The following VPS35L variants were observed in gnomAD, a reference collection of about 807,000 sequenced individuals.
VPS35L encodes the protein VPS35 endosomal protein sorting factor like, also known as VPS35 endosomal protein-sorting factor-like.
In VPS35L, 83 loss-of-function variants were observed where a neutral mutation model predicts 133.0. That is an observed-to-expected ratio of 0.62 (90% CI 0.52 to 0.75). VPS35L has a LOEUF of 0.75. Ranked by LOEUF, VPS35L falls within the 30% of genes least tolerant of loss-of-function variation. VPS35L has a pLI of 0.00. For synonymous variants in VPS35L, 423 were observed against 449.9 expected (o/e 0.94, Z 0.76); for missense variants, 1,083 against 1,206.8 (o/e 0.90, Z 1.52).
rs1057422420 is a variant in VPS35L at position 19,569,472 on chromosome 16, T to C, written c.166T>C (p.Ser56Pro). Residue 56 changes from serine (S) to proline (P), a missense_variant, in exon 3 of 31, where the codon TCC (serine) becomes CCC (proline). By Grantham distance (74) the Ser-to-Pro change is moderately conservative. Coordinates refer to ENST00000417362, the MANE Select transcript of VPS35L (RefSeq NM_020314.7). ...AGTGAACCGGAAAGGAAGCACTTCTTCCACGTCCTCCTCCTCCTCCAGCTC... is the reference window on the plus strand; with the variant it reads ...AGTGAACCGGAAAGGAAGCACTTCTCCCACGTCCTCCTCCTCCTCCAGCTC... Reference protein sequence around the residue: ...KKVNRKGSTSSTSSSSSSSVV... With the variant: ...KKVNRKGSTSPTSSSSSSSVV... 3 of 1,607,236 alleles carry C rather than the reference T, an allele frequency of 1.9e-6. No individual in the cohort carries two copies. Among genetic ancestry groups the C allele is most frequent in the Non-Finnish European group, 2.5e-6 (3 of 1,176,916 alleles).
rs919102879 is a variant in VPS35L, at chr16:19,569,431, A to G, written c.125A>G (p.Glu42Gly). 4 of 1,593,052 alleles carry G rather than the reference A, an allele frequency of 2.5e-6. No homozygotes were observed. The highest frequency in any genetic ancestry group is 3.4e-6 in the Non-Finnish European group (4 of 1,170,130). ...CAGAAATTTTCCTCACAGGTCACAGAGTCAAAGACAAAGAAAGTGAACCGG... is the reference window on the plus strand; with the variant it reads ...CAGAAATTTTCCTCACAGGTCACAGGGTCAAAGACAAAGAAAGTGAACCGG... ...YHPLKPITVT[E>G]SKTKKVNRKG... The change falls in exon 3 of 31, where the codon GAG (glutamate) becomes GGG (glycine). Residue 42 changes from glutamate to glycine, a missense_variant. Glu to Gly is a moderately conservative substitution (Grantham distance 98). Coordinates refer to ENST00000417362, the MANE Select transcript of VPS35L (RefSeq NM_020314.7).
intron 19 of VPS35L, among the ~76,000 whole-genome samples, chr16:19,636,768 T>C (rs1042791463): frequency 2.0e-5 from 3 of 152,210 alleles, no homozygotes; most frequent in African/African-American, 7.2e-5. Context: ...TTCTATTTTA[T>C]TTAGAAACCG....
chr16:19,605,162 C>G (rs1017451600), intron 9 of VPS35L, among the ~76,000 whole-genome samples: 1 of 152,140 alleles, frequency 6.6e-6, no homozygotes, highest in African/African-American at 2.4e-5. Context: ...CCTCTCGCTG[C>G]TAGGGTAGAG....
At chr16:19,595,216 G>T (rs1972172847) in intron 8 of VPS35L, among the ~76,000 whole-genome samples, 1 of 152,122 alleles carries the variant, frequency 6.6e-6, no homozygotes, top group Non-Finnish European at 1.5e-5. Context: ...TCCCACGTGG[G>T]ATTTAACAGG....
At chr16:19,592,630 G>A (rs1441857364) in intron 8 of VPS35L, among the ~76,000 whole-genome samples, 2 of 151,658 alleles carry the variant, frequency 1.3e-5, no homozygotes, top group Admixed American at 6.6e-5. Flanking sequence ...CAGATTCTTC[G>A]GTTCAGCCTC....
intron 9 of VPS35L, 74 bp downstream of exon 9, chr16:19,601,797 T>G: frequency 6.8e-7 from 1 of 1,461,442 alleles, no homozygotes. Flanking sequence ...TGAGTCAGGA[T>G]TCATTGAAGC....
intron 11 of VPS35L, 100 bp from the exon 12 acceptor site, chr16:19,610,222 C>T (rs1398402932): frequency 2.0e-6 from 2 of 1,000,434 alleles, no homozygotes; most frequent in East Asian, 2.7e-5. Flanking sequence ...TTTTTCCCCC[C>T]CTCCCTGAAA....
rs1020563525 is a variant in VPS35L at position 19,682,101 on chromosome 16, A to G, written c.2362-124A>G. The G allele has an allele frequency of 1.3e-5, 14 of 1,099,502 alleles. No homozygotes were observed. In the African/African-American group the frequency reaches 1.7e-4, roughly 14 times the overall value. The allele number at this position is 1,099,502 out of a possible 1,614,324, so 68.1% of individuals were successfully genotyped here. ...TTGTGAGTGGGTCTTGCCTTTGTTC[A>G]GTAACTGACAACGTTAATTTCTCTA... On this transcript the variant is annotated intron_variant, in intron 27 of 30. Transcript: ENST00000417362.
At chr16:19,685,803 TTGAAGGCTC>T (rs1439953829) in intron 28 of VPS35L, among the ~76,000 whole-genome samples, 1 of 152,124 alleles carries the variant, frequency 6.6e-6, no homozygotes, top group African/African-American at 2.4e-5. Context: ...GAAGTGAACA[TTGAAGGCTC>T]TGAACAAGAG....
chr16:19,653,350 G>A (rs545523649), intron 26 of VPS35L, among the ~76,000 whole-genome samples: 3 of 152,352 alleles, frequency 2.0e-5, no homozygotes, highest in East Asian at 1.9e-4. Flanking sequence ...ATCTTTACGC[G>A]ACATTTATGG....
chr16:19,581,794 A>C, intron 7 of VPS35L, 141 bp downstream of exon 7: 1 of 1,011,750 alleles, frequency 9.9e-7, no homozygotes, highest in Non-Finnish European at 1.5e-6. Flanking sequence ...TTCCTGTGAA[A>C]AGCCATGATT....
chr16:19,668,714 T>C (rs2354582), intron 26 of VPS35L, among the ~76,000 whole-genome samples: 62,404 of 151,744 alleles, frequency 0.41, 13,701 homozygotes, highest in African/African-American at 0.57. Flanking sequence ...GCAGCTCTAC[T>C]ACCAACACTG....
intron 9 of VPS35L, among the ~76,000 whole-genome samples, chr16:19,604,333 T>A (rs888046057): frequency 6.6e-6 from 1 of 152,146 alleles, no homozygotes; most frequent in South Asian, 2.1e-4. Flanking sequence ...TTAGGGCCAA[T>A]TAAGGAAAAA....
At position 19,652,466 on chromosome 16, in the gene VPS35L, G is replaced by T. The variant is rs576171387; in HGVS notation, c.2221+376G>T. On this transcript the variant is annotated intron_variant, in intron 26 of 30. Coordinates refer to ENST00000417362, the MANE Select transcript of VPS35L (RefSeq NM_020314.7). ...CCCAAAGTGCTGGGGTTACAGGCCTGAACCACTGTGCTCAACCAAGAGAGA... is the reference window on the plus strand; with the variant it reads ...CCCAAAGTGCTGGGGTTACAGGCCTTAACCACTGTGCTCAACCAAGAGAGA... 3.3e-5 allele frequency: 6 copies of T among 181,158 alleles called. No homozygotes were observed. In the South Asian group the frequency reaches 7.2e-4, roughly 22 times the overall value. The allele number at this position is 181,158 out of a possible 1,614,324, so 11.2% of individuals were successfully genotyped here.
At chr16:19,697,433 C>T (rs925612244) in intron 29 of VPS35L, among the ~76,000 whole-genome samples, 3 of 152,150 alleles carry the variant, frequency 2.0e-5, no homozygotes, top group Non-Finnish European at 4.4e-5. Flanking sequence ...CTCTTGCCCT[C>T]AAGTGATCCT....
chr16:19,661,597 C>G (rs1026271530), intron 26 of VPS35L, among the ~76,000 whole-genome samples: 3 of 152,120 alleles, frequency 2.0e-5, no homozygotes, highest in Admixed American at 6.5e-5. Flanking sequence ...GAAGAAGAAC[C>G]CTTGCAAGTG....
intron 18 of VPS35L, among the ~76,000 whole-genome samples, chr16:19,630,848 TA>T (rs755164566): frequency 3.4e-5 from 5 of 148,058 alleles, no homozygotes; most frequent in Admixed American, 2.0e-4. Flanking sequence ...CTACTAAAAA[TA>T]AAAAAAAAAA....
chr16:19,656,250 C>G (rs56307684), intron 26 of VPS35L, among the ~76,000 whole-genome samples: 29,498 of 129,944 alleles, frequency 0.23, 3,704 homozygotes, highest in Middle Eastern at 0.29. Context: ...GGCAACAAAG[C>G]GAGACTCTGT....
chr16:19,561,231 T>C (rs920104110), intron 1 of VPS35L, among the ~76,000 whole-genome samples: 4 of 151,660 alleles, frequency 2.6e-5, no homozygotes, highest in East Asian at 3.9e-4. Context: ...ATTAGCCGGG[T>C]GTGGTGGCGG....
Sources: gnomAD v4.1 joint callset for allele counts (sites outside exome capture counted in the v4.1 genomes callset) on GRCh38, gnomAD v4.1.1 for gene constraint, MANE v1.5 for transcripts, NCBI Gene and HGNC (gene_info 2026-07-23, HGNC 2026-07-21) for gene names.